The following IL22RA1 variants were observed in gnomAD, a reference collection of about 807,000 sequenced individuals.
The protein encoded by IL22RA1 is interleukin 22 receptor subunit alpha 1, also known as interleukin-22 receptor subunit alpha-1.
In IL22RA1, 25 loss-of-function variants were observed where a neutral mutation model predicts 32.8. That is an observed-to-expected ratio of 0.76 (90% CI 0.55 to 1.06). IL22RA1 has a LOEUF of 1.06. Ranked by LOEUF, IL22RA1 falls within the 50% of genes least tolerant of loss-of-function variation. IL22RA1 has a pLI of 0.00. For missense variants in IL22RA1, 709 were observed against 727.4 expected (o/e 0.97, Z 0.29); for synonymous variants, 305 against 305.0 (o/e 1.00, Z 0.00).
intron 4 of IL22RA1, among the ~76,000 whole-genome samples, chr1:24,128,953 T>C (rs948037753): frequency 8.5e-5 from 13 of 152,222 alleles, no homozygotes; most frequent in Non-Finnish European, 2.9e-5. Context: ...CATTTGTCTC[T>C]GCAGCCCACC....
At chr1:24,126,358 G>A (rs1644161481) in intron 5 of IL22RA1, among the ~76,000 whole-genome samples, 2 of 152,210 alleles carry the variant, frequency 1.3e-5, no homozygotes, top group Non-Finnish European at 2.9e-5. Flanking sequence ...AAAGTGATGA[G>A]TTTCCGAACA....
At chr1:24,123,480 G>A (rs766828369) in intron 5 of IL22RA1, 57 bp from the exon 6 acceptor site, 24 of 1,580,352 alleles carry the variant, frequency 1.5e-5, no homozygotes, top group Middle Eastern at 1.7e-4. Context: ...GCCTGGGCCC[G>A]GTTGGGTCTG....
At chr1:24,132,829 C>T (rs1016814565) in intron 4 of IL22RA1, among the ~76,000 whole-genome samples, 15 of 151,296 alleles carry the variant, frequency 9.9e-5, no homozygotes, top group Admixed American at 6.6e-5. Context: ...AGTGAGGCCC[C>T]GTCTCTCTTT....
chr1:24,126,406 T>G (rs1050768144), intron 5 of IL22RA1, among the ~76,000 whole-genome samples: 2 of 152,200 alleles, frequency 1.3e-5, no homozygotes, highest in Non-Finnish European at 2.9e-5. Flanking sequence ...AGGGCCCAGC[T>G]CTGGCAGCTG....
chr1:24,132,567 C>T (rs986722572), intron 4 of IL22RA1, among the ~76,000 whole-genome samples: 3 of 151,770 alleles, frequency 2.0e-5, no homozygotes, highest in Middle Eastern at 3.2e-3. Context: ...CTCCTGACCT[C>T]GTGATCCGCC....
intron 5 of IL22RA1, among the ~76,000 whole-genome samples, chr1:24,124,820 A>C (rs895960979): frequency 7.3e-5 from 11 of 151,338 alleles, no homozygotes; most frequent in African/African-American, 2.7e-4. Flanking sequence ...CCCCATCCCT[A>C]CTCCAGGAAA....
chr1:24,134,907 A>G, intron 3 of IL22RA1: 1 of 862,968 alleles, frequency 1.2e-6, no homozygotes, highest in Non-Finnish European at 1.4e-6. Context: ...GACTCCTTTG[A>G]GAATGTGATG....
chr1:24,123,618 A>AT (rs1557626261), intron 5 of IL22RA1, 195 bp from the exon 6 acceptor site: 1 of 1,228,878 alleles, frequency 8.1e-7, no homozygotes. Flanking sequence ...TACAAATTAT[A>AT]TTTTTACACT....
Position 24,121,609 on chromosome 1 carries a change from A to G in IL22RA1, c.921T>C (p.Ser307=), listed in dbSNP as rs767762663. Residue 307 remains serine, a synonymous_variant, in exon 7 of 7, where the codon TCT becomes TCC. Transcript: ENST00000270800. The part of the protein sequence containing the change: ...QPVQYSQIRV[S]GPREPAGAPQ... ...GAGCTCCTGCGGGCTCCCTGGGTCC[A>G]GACACCCTGATCTGGGAGTACTGGA... 3.1e-6 allele frequency: 5 copies of G among 1,613,092 alleles called. No individual in the cohort carries two copies. The highest frequency in any genetic ancestry group is 1.3e-5 in the African/African-American group (1 of 74,982).
At chr1:24,136,436 C>A (rs1644242895) in intron 3 of IL22RA1, among the ~76,000 whole-genome samples, 1 of 152,160 alleles carries the variant, frequency 6.6e-6, no homozygotes, top group Admixed American at 6.5e-5. Context: ...CCCTGTATTG[C>A]ACTAGAGAAT....
At position 24,120,113 on chromosome 1, in the gene IL22RA1, A is replaced by C. The variant is rs1644109090; in HGVS notation, c.*692T>G. The C allele has an allele frequency of 1.3e-5, 2 of 152,284 alleles. No homozygotes were observed. Among genetic ancestry groups the C allele is most frequent in the African/African-American group, 4.8e-5 (2 of 41,464 alleles). The allele number at this position is 152,284 out of a possible 1,614,324, so 9.4% of individuals were successfully genotyped here. A position where few individuals can be genotyped will look rare whatever the true frequency, so the allele number is the denominator to read the frequency against. ...GATAGGGTCTGAAACTCCTGCCTGC[A>C]GAAAAGGCTTGTGTGTCTCCCTCCC... On this transcript the variant is annotated 3_prime_UTR_variant, in exon 7 of 7. Transcript: ENST00000270800.
chr1:24,142,982 C>T (rs1644291818), intron 1 of IL22RA1, 58 bp downstream of exon 1: 1 of 1,527,138 alleles, frequency 6.5e-7, no homozygotes, highest in East Asian at 2.3e-5. Context: ...GGGAGATGAC[C>T]CTGATCGTTG....
At position 24,120,509 on chromosome 1, in the gene IL22RA1, C is replaced by A; in HGVS notation, c.*296G>T. On this transcript the variant is annotated 3_prime_UTR_variant, in exon 7 of 7. Coordinates refer to ENST00000270800, the MANE Select transcript of IL22RA1 (RefSeq NM_021258.4). ...GTGGGGCTCTGGACCTCGGGAGTTT[C>A]CCTGCATTTCCTCCTTGCACTGTCA... is the stretch of plus-strand genomic sequence containing the variant. The A allele has an allele frequency of 2.9e-6, 1 of 339,960 alleles. No homozygotes were observed. Among genetic ancestry groups the A allele is most frequent in the Non-Finnish European group, 5.3e-6 (1 of 187,142 alleles). The allele number at this position is 339,960 out of a possible 1,614,324, so 21.1% of individuals were successfully genotyped here. A position where few individuals can be genotyped will look rare whatever the true frequency, so the allele number is the denominator to read the frequency against.
At position 24,137,305 on chromosome 1, in the gene IL22RA1, C is replaced by T. The variant is rs761583215; in HGVS notation, c.181G>A (p.Gly61Arg). 3.1e-6 allele frequency: 5 copies of T among 1,613,406 alleles called. No homozygotes were observed. Among genetic ancestry groups the T allele is most frequent in the African/African-American group, 2.7e-5 (2 of 74,916 alleles). Residue 61 changes from glycine to arginine, a missense_variant, in exon 3 of 7, where the codon GGA becomes AGA. Coordinates refer to ENST00000270800, the MANE Select transcript of IL22RA1 (RefSeq NM_021258.4). ...TTCTTTGCCACCCAGTCCCTCTCTC[C>T]GTACCTGCAGGTCAGGAAGGGGCCA... ...TVYSIEYKTY[G>R]ERDWVAKKGC...
rs748971813 is a variant in IL22RA1, at chr1:24,120,823, A to T, written c.1707T>A (p.Thr569=). 3 of 1,607,450 alleles carry T rather than the reference A, an allele frequency of 1.9e-6. No individual in the cohort carries two copies. The highest frequency in any genetic ancestry group is 1.3e-5 in the African/African-American group (1 of 74,686). Residue 569 remains threonine, a synonymous_variant, in exon 7 of 7, where the codon ACT becomes ACA. Coordinates refer to ENST00000270800, the MANE Select transcript of IL22RA1 (RefSeq NM_021258.4). ...LDSLFRGLAL[T]VQWES ...ATTCCCCTCAGGACTCCCACTGCAC[A>T]GTCAGGGCCAGGCCTCTGAAAAGAG...
intron 5 of IL22RA1, 24 bp from the exon 6 acceptor site, chr1:24,123,447 A>G: frequency 6.2e-7 from 1 of 1,609,292 alleles, no homozygotes; most frequent in Non-Finnish European, 8.5e-7. Context: ...GGGGCCAGAG[A>G]AGGAAGCGTG....
At chr1:24,135,743 G>A (rs552044138) in intron 3 of IL22RA1, among the ~76,000 whole-genome samples, 1 of 152,278 alleles carries the variant, frequency 6.6e-6, no homozygotes, top group Admixed American at 6.5e-5. Context: ...AGCAAAGGGG[G>A]AAGCCCCTTA....
chr1:24,136,146 G>T (rs1644240730), intron 3 of IL22RA1, among the ~76,000 whole-genome samples: 1 of 152,094 alleles, frequency 6.6e-6, no homozygotes, highest in Middle Eastern at 3.4e-3. Context: ...GTAGAGATGG[G>T]GTCTCACTGT....
chr1:24,132,937 G>T (rs1184606999), intron 4 of IL22RA1, among the ~76,000 whole-genome samples: 2 of 151,722 alleles, frequency 1.3e-5, no homozygotes, highest in Admixed American at 1.3e-4. Context: ...AACAGAGCTG[G>T]ATTTGAATCC....
Sources: allele counts gnomAD v4.1 joint callset (sites outside exome capture counted in the v4.1 genomes callset), GRCh38; gene constraint gnomAD v4.1.1; transcripts MANE v1.5; gene names NCBI Gene and HGNC (gene_info 2026-07-23, HGNC 2026-07-21).